Variants in FOXN3 observed in about 807,000 individuals in gnomAD.
FOXN3 encodes forkhead box protein N3.
In FOXN3, 7 loss-of-function variants were observed where a neutral mutation model predicts 38.4. The ratio of observed to expected loss-of-function variants is 0.18; its 90% CI spans 0.10 to 0.34. FOXN3 has a LOEUF of 0.34. Ranked by LOEUF, FOXN3 falls within the 10% of genes least tolerant of loss-of-function variation. The pLI, the probability that FOXN3 is intolerant of heterozygous loss-of-function variation, is 1.00. For synonymous variants in FOXN3, 230 were observed against 242.2 expected, an observed-to-expected ratio of 0.95 and a Z score of 0.47; for missense variants, 456 against 613.4, an observed-to-expected ratio of 0.74 and a Z score of 2.71.
chr14:89,530,905 G>A (rs55793422), intron 1 of FOXN3, among the ~76,000 whole-genome samples: 13,056 of 147,660 alleles, frequency 0.088, 752 homozygotes, highest in African/African-American at 0.17. Context: ...CACCACGCCC[G>A]GCCTCTATTT....
intron 1 of FOXN3, among the ~76,000 whole-genome samples, chr14:89,618,204 G>A (rs906600509): frequency 2.0e-5 from 3 of 152,080 alleles, no homozygotes; most frequent in African/African-American, 7.2e-5. Flanking sequence ...GTCACCTTAA[G>A]CACAGCCTGT....
intron 1 of FOXN3, among the ~76,000 whole-genome samples, chr14:89,458,258 C>T (rs528241931): frequency 5.3e-5 from 8 of 152,154 alleles, no homozygotes; most frequent in East Asian, 3.9e-4. Context: ...TCTTGTCATC[C>T]GAATCATTTC....
chr14:89,181,745 G>A (rs1887680470), intron 4 of FOXN3, among the ~76,000 whole-genome samples: 1 of 152,246 alleles, frequency 6.6e-6, no homozygotes, highest in Non-Finnish European at 1.5e-5. Context: ...AATCCCTGAT[G>A]TAACCTTTTC....
chr14:89,488,462 G>C (rs1001225663), intron 1 of FOXN3, among the ~76,000 whole-genome samples: 1 of 151,770 alleles, frequency 6.6e-6, no homozygotes, highest in South Asian at 2.1e-4. Context: ...CCTGGGCAAC[G>C]GGGCAAAACC....
intron 4 of FOXN3, among the ~76,000 whole-genome samples, chr14:89,202,370 C>T (rs1888257558): frequency 6.6e-6 from 1 of 152,212 alleles, no homozygotes; most frequent in African/African-American, 2.4e-5. Flanking sequence ...TTGAATCACA[C>T]ACCCGGTCCC....
chr14:89,430,736 G>A (rs1401120227), intron 1 of FOXN3, among the ~76,000 whole-genome samples: 1 of 152,134 alleles, frequency 6.6e-6, no homozygotes, highest in Non-Finnish European at 1.5e-5. Context: ...TGAACATTAT[G>A]TATTTTTAAA....
At chr14:89,467,765 C>A in intron 1 of FOXN3, among the ~76,000 whole-genome samples, 2 of 150,162 alleles carry the variant, frequency 1.3e-5, no homozygotes, top group South Asian at 2.1e-4. Context: ...CCACCAAGCT[C>A]CCAGCTAATT....
chr14:89,507,161 T>A (rs1893959999), intron 1 of FOXN3, among the ~76,000 whole-genome samples: 1 of 150,052 alleles, frequency 6.7e-6, no homozygotes, highest in African/African-American at 2.4e-5. Context: ...ACACTGTCCC[T>A]GAACCCATCC....
intron 1 of FOXN3, among the ~76,000 whole-genome samples, chr14:89,471,638 G>A (rs1893097385): frequency 6.6e-6 from 1 of 152,122 alleles, no homozygotes; most frequent in Non-Finnish European, 1.5e-5. Flanking sequence ...GGTCTCTGGA[G>A]TTCTATCTAC....
chr14:89,557,459 A>AATCT (rs1895149744), intron 1 of FOXN3, among the ~76,000 whole-genome samples: 1 of 152,062 alleles, frequency 6.6e-6, no homozygotes, highest in Non-Finnish European at 1.5e-5. Flanking sequence ...ATTCCAAGGG[A>AATCT]ATCTAATGGA....
intron 1 of FOXN3, among the ~76,000 whole-genome samples, chr14:89,485,983 C>T (rs1246215902): frequency 6.6e-6 from 1 of 152,304 alleles, no homozygotes; most frequent in East Asian, 1.9e-4. Context: ...ATCCTCAAAG[C>T]TTCTCCATTC....
intron 3 of FOXN3, among the ~76,000 whole-genome samples, chr14:89,295,048 C>T (rs1464546745): frequency 6.6e-6 from 1 of 152,082 alleles, no homozygotes; most frequent in African/African-American, 2.4e-5. Flanking sequence ...CTCAGAAGCC[C>T]TCCTGTTCCT....
intron 1 of FOXN3, among the ~76,000 whole-genome samples, chr14:89,486,336 G>T (rs1409692269): frequency 6.6e-6 from 1 of 152,100 alleles, no homozygotes; most frequent in East Asian, 1.9e-4. Context: ...TTTAAATAAA[G>T]ATGTGATTCA....
intron 2 of FOXN3, among the ~76,000 whole-genome samples, chr14:89,371,472 C>T (rs78351108): frequency 6.6e-6 from 1 of 152,122 alleles, no homozygotes; most frequent in African/African-American, 2.4e-5. Context: ...AAGCCTCATT[C>T]ATCTTGTGTG....
At chr14:89,451,315 A>G (rs80144595) in intron 1 of FOXN3, among the ~76,000 whole-genome samples, 6,431 of 152,222 alleles carry the variant, frequency 0.042, 215 homozygotes, top group Middle Eastern at 0.078. Context: ...TTACAAAGGT[A>G]AGGCAAAGAC....
intron 1 of FOXN3, among the ~76,000 whole-genome samples, chr14:89,523,378 A>G (rs1894360856): frequency 6.6e-6 from 1 of 152,216 alleles, no homozygotes; most frequent in Admixed American, 6.5e-5. Flanking sequence ...CAAAAACACT[A>G]CACTGAACAA....
At chr14:89,355,702 G>A (rs1325680741) in intron 2 of FOXN3, among the ~76,000 whole-genome samples, 1 of 152,206 alleles carries the variant, frequency 6.6e-6, no homozygotes, top group East Asian at 1.9e-4. Flanking sequence ...AGTGAAATTT[G>A]TATTTGCATA....
intron 3 of FOXN3, among the ~76,000 whole-genome samples, chr14:89,327,753 C>T (rs1187042786): frequency 2.6e-5 from 4 of 152,186 alleles, no homozygotes; most frequent in African/African-American, 7.2e-5. Flanking sequence ...ACTTTAAAAA[C>T]TTACAATAAA....
intron 4 of FOXN3, among the ~76,000 whole-genome samples, chr14:89,268,781 G>A (rs79001219): frequency 0.043 from 6,473 of 152,262 alleles, 181 homozygotes; most frequent in Admixed American, 0.095. Context: ...TAAGAAGCTG[G>A]CACCTCCCAT....
Sources: allele counts gnomAD v4.1 joint callset (sites outside exome capture counted in the v4.1 genomes callset), GRCh38; gene constraint gnomAD v4.1.1; transcripts MANE v1.5; gene names NCBI Gene and HGNC (gene_info 2026-07-23, HGNC 2026-07-21).